MACROD2: variants seen among roughly 807,000 people sequenced by gnomAD.
MACROD2 encodes the protein ADP-ribose glycohydrolase MACROD2.
MACROD2 carries 36 observed loss-of-function variants against 70.4 expected under a neutral mutation model. The observed-to-expected ratio is 0.51, with a 90% CI of 0.39 to 0.68. The LOEUF is 0.68. Ranked by LOEUF, MACROD2 falls within the 30% of genes least tolerant of loss-of-function variation. MACROD2 has a pLI of 0.00. For missense variants in MACROD2, 496 were observed against 538.4 expected (o/e 0.92, Z 0.78); for synonymous variants, 172 against 178.8 (o/e 0.96, Z 0.30).
At chr20:15,371,649 A>G (rs751612146) in intron 6 of MACROD2, among the ~76,000 whole-genome samples, 2 of 152,152 alleles carry the variant, frequency 1.3e-5, no homozygotes, top group African/African-American at 4.8e-5. Context: ...AAAATGCTAC[A>G]TATTTTACAG....
At chr20:15,050,268 C>T (rs1167181495) in intron 5 of MACROD2, among the ~76,000 whole-genome samples, 1 of 152,104 alleles carries the variant, frequency 6.6e-6, no homozygotes, top group Non-Finnish European at 1.5e-5. Context: ...ATTTGACTTT[C>T]ATATGGTACT....
intron 8 of MACROD2, among the ~76,000 whole-genome samples, chr20:15,517,192 C>T (rs1443050943): frequency 6.6e-6 from 1 of 152,120 alleles, no homozygotes; most frequent in Non-Finnish European, 1.5e-5. Flanking sequence ...TCCCTTGCTC[C>T]TACCCTCCAG....
chr20:15,745,179 A>G (rs989793188), intron 8 of MACROD2, among the ~76,000 whole-genome samples: 31 of 152,200 alleles, frequency 2.0e-4, no homozygotes, highest in Non-Finnish European at 4.4e-5. Context: ...AGCAAATATA[A>G]ATATTCTTGC....
intron 3 of MACROD2, among the ~76,000 whole-genome samples, chr20:14,328,703 A>C (rs971627340): frequency 6.6e-6 from 1 of 152,022 alleles, no homozygotes; most frequent in Non-Finnish European, 1.5e-5. Context: ...TTCACCGTTT[A>C]TTCAAGTAAT....
At chr20:15,989,469 A>G (rs1477786071) in intron 15 of MACROD2, among the ~76,000 whole-genome samples, 1 of 152,204 alleles carries the variant, frequency 6.6e-6, no homozygotes, top group Non-Finnish European at 1.5e-5. Context: ...CAGTATCTCA[A>G]TCTTCCATTT....
At chr20:14,160,002 C>T (rs1023482690) in intron 3 of MACROD2, among the ~76,000 whole-genome samples, 2 of 151,982 alleles carry the variant, frequency 1.3e-5, no homozygotes, top group Non-Finnish European at 2.9e-5. Flanking sequence ...GTCCTTTATT[C>T]TGTTGATGTG....
chr20:16,019,852 G>T (rs906666281), intron 15 of MACROD2, among the ~76,000 whole-genome samples: 1 of 152,114 alleles, frequency 6.6e-6, no homozygotes, highest in Non-Finnish European at 1.5e-5. Context: ...AGGGCACATA[G>T]AGATCACACA....
chr20:14,054,779 C>T (rs776057754), intron 2 of MACROD2, among the ~76,000 whole-genome samples: 5 of 152,112 alleles, frequency 3.3e-5, no homozygotes, highest in Non-Finnish European at 7.4e-5. Flanking sequence ...TTGTCCAGAA[C>T]AATTTCAATG....
At chr20:14,135,724 G>T (rs1241683497) in intron 3 of MACROD2, among the ~76,000 whole-genome samples, 1 of 152,056 alleles carries the variant, frequency 6.6e-6, no homozygotes, top group East Asian at 1.9e-4. Flanking sequence ...AGGAAAAGTG[G>T]TTGACAAAAT....
intron 3 of MACROD2, among the ~76,000 whole-genome samples, chr20:14,492,727 A>C (rs936113245): frequency 6.6e-6 from 1 of 152,264 alleles, no homozygotes; most frequent in East Asian, 1.9e-4. Context: ...CTATGGAATA[A>C]AGCTCAGTAT....
rs2066491259 is a variant in MACROD2 at position 15,986,859 on chromosome 20, T to G, written c.1060+58T>G. On this transcript the variant is annotated intron_variant, in intron 14 of 17. Coordinates refer to ENST00000684519, the MANE Select transcript of MACROD2 (RefSeq NM_001351661.2). ...ATGAGATGAAACTGTGAATCATGACTTCTATATATACCTGTGTGTGTGCGT... is the reference window on the plus strand; with the variant it reads ...ATGAGATGAAACTGTGAATCATGACGTCTATATATACCTGTGTGTGTGCGT... 3 of 1,341,826 alleles carry G rather than the reference T, an allele frequency of 2.2e-6. No homozygotes were observed. In the African/African-American group the frequency reaches 4.3e-5, roughly 19 times the overall value. The allele number at this position is 1,341,826 out of a possible 1,614,324, so 83.1% of individuals were successfully genotyped here.
At chr20:15,148,565 A>T (rs1233225054) in intron 5 of MACROD2, among the ~76,000 whole-genome samples, 1 of 152,064 alleles carries the variant, frequency 6.6e-6, no homozygotes, top group Admixed American at 6.5e-5. Context: ...ATGTATGAGT[A>T]GTTGAGAATG....
intron 7 of MACROD2, among the ~76,000 whole-genome samples, chr20:15,443,681 G>A (rs1248358215): frequency 6.6e-6 from 1 of 152,120 alleles, no homozygotes; most frequent in African/African-American, 2.4e-5. Context: ...TCTAAGTTCT[G>A]TCACTGTTAT....
At chr20:15,061,032 A>T (rs557725684) in intron 5 of MACROD2, among the ~76,000 whole-genome samples, 2 of 152,202 alleles carry the variant, frequency 1.3e-5, no homozygotes, top group Admixed American at 6.5e-5. Flanking sequence ...AGTTAATTCA[A>T]TAAAAGTCAA....
intron 6 of MACROD2, among the ~76,000 whole-genome samples, chr20:15,234,012 C>CTTTTTT (rs1177498607): frequency 3.4e-5 from 1 of 29,192 alleles, no homozygotes; most frequent in Non-Finnish European, 5.8e-5. Flanking sequence ...TATATATATT[C>CTTTTTT]TTTTTTTTTT....
intron 5 of MACROD2, among the ~76,000 whole-genome samples, chr20:14,814,342 A>G (rs1447689258): frequency 6.6e-6 from 1 of 152,074 alleles, no homozygotes; most frequent in Non-Finnish European, 1.5e-5. Context: ...GAGACAGAAG[A>G]CTTCTAACTT....
chr20:14,737,593 C>T (rs1291605146), intron 5 of MACROD2, among the ~76,000 whole-genome samples: 1 of 152,184 alleles, frequency 6.6e-6, no homozygotes. Context: ...CTTCCTATTT[C>T]TCCACATCCT....
At chr20:14,131,686 T>C (rs1211137951) in intron 3 of MACROD2, among the ~76,000 whole-genome samples, 1 of 152,160 alleles carries the variant, frequency 6.6e-6, no homozygotes, top group African/African-American at 2.4e-5. Flanking sequence ...ATTTGGGTAA[T>C]ACATTTGGAT....
Position 15,465,369 on chromosome 20 carries a change from AG to A in MACROD2, c.571+33938del, listed in dbSNP as rs551559536. Among the ~76,000 whole-genome samples, 80 of 152,372 alleles carry A rather than the reference AG, an allele frequency of 5.3e-4. 1 individual carries two copies. The highest frequency in any genetic ancestry group is 1.7e-3 in the African/African-American group (71 of 41,598). ...TTAGCCACTCAAGCCATGTTCCTGA[AG>A]GGGAGCCAGGCAAGGTGGAGAGTGA... On this transcript the variant is annotated intron_variant, in intron 7 of 17. Transcript: ENST00000684519.
Sources: gnomAD v4.1 joint callset for allele counts (sites outside exome capture counted in the v4.1 genomes callset) on GRCh38, gnomAD v4.1.1 for gene constraint, MANE v1.5 for transcripts, NCBI Gene and HGNC (gene_info 2026-07-23, HGNC 2026-07-21) for gene names.